GARRE1: variants seen among roughly 807,000 people sequenced by gnomAD.
GARRE1 encodes granule associated Rac and RHOG effector 1, also known as granule associated Rac and RHOG effector protein 1.
A neutral mutation model predicts 103.2 loss-of-function variants in GARRE1; 49 were observed. That is an observed-to-expected ratio of 0.47 (90% CI 0.38 to 0.60). The LOEUF (loss-of-function observed/expected upper bound fraction) is 0.60. Ranked by LOEUF, GARRE1 falls within the 20% of genes least tolerant of loss-of-function variation. The pLI, the probability that GARRE1 is intolerant of heterozygous loss-of-function variation, is 0.00. For missense variants in GARRE1, 1,199 were observed against 1,370.5 expected (o/e 0.87, Z 1.98); for synonymous variants, 505 against 532.8 (o/e 0.95, Z 0.72).
At chr19:34,309,098 A>G (rs1283778575) in intron 2 of GARRE1, among the ~76,000 whole-genome samples, 1 of 151,982 alleles carries the variant, frequency 6.6e-6, no homozygotes, top group Non-Finnish European at 1.5e-5. Context: ...ACAAACCCTG[A>G]AATAATCTAA....
Position 34,353,046 on chromosome 19 carries a change from C to T in GARRE1, c.*91C>T. On this transcript the variant is annotated 3_prime_UTR_variant, in exon 14 of 14. Transcript: ENST00000299505. The stretch of plus-strand genomic sequence containing the variant: ...CACCCCAGGGCCACTTAGCTGACAC[C>T]AGCCCCTCAGAGGACCAGTGCGCCC... 1 of 1,240,392 alleles carries T rather than the reference C, an allele frequency of 8.1e-7. No individual in the cohort carries two copies. The highest frequency in any genetic ancestry group is 1.5e-5 in the African/African-American group (1 of 67,416). The allele number at this position is 1,240,392 out of a possible 1,614,324, so 76.8% of individuals were successfully genotyped here.
chr19:34,320,785 G>A (rs1284980338), intron 3 of GARRE1, among the ~76,000 whole-genome samples: 4 of 150,104 alleles, frequency 2.7e-5, no homozygotes, highest in Non-Finnish European at 3.0e-5. Flanking sequence ...GCAGTGCTGC[G>A]ATCAAGTCTC....
chr19:34,315,960 C>T (rs756274065), intron 2 of GARRE1, among the ~76,000 whole-genome samples: 3 of 152,106 alleles, frequency 2.0e-5, no homozygotes, highest in Non-Finnish European at 4.4e-5. Context: ...TTCAGTAGAC[C>T]CCGATAGCTG....
rs35938669 is a variant in GARRE1 at position 34,275,168 on chromosome 19, G to GTT, written c.-796+20566_-796+20567dup. Among the ~76,000 whole-genome samples the GTT allele has an allele frequency of 1.2e-3, 178 of 144,834 alleles. 1 individual carries two copies. Among genetic ancestry groups the GTT allele is most frequent in the Non-Finnish European group, 1.5e-3 (98 of 66,288 alleles). On this transcript the variant is annotated intron_variant, in intron 1 of 13. Coordinates refer to ENST00000299505, the MANE Select transcript of GARRE1 (RefSeq NM_014686.5). ...TTGGAGAGGACAGAACATTTTCTGT[G>GTT]TTTTTTTTTTTTTCCTCAGAAGAGG... is the stretch of plus-strand genomic sequence containing the variant.
chr19:34,328,196 T>TA (rs761757768), intron 6 of GARRE1, 45 bp downstream of exon 6: 314 of 1,594,370 alleles, frequency 2.0e-4, no homozygotes, highest in Non-Finnish European at 2.3e-4. Flanking sequence ...AACTTGAAAA[T>TA]AGAGTTCTTA....
intron 2 of GARRE1, 146 bp downstream of exon 2, chr19:34,301,114 C>T (rs1010732348): frequency 2.1e-5 from 19 of 885,546 alleles, no homozygotes; most frequent in African/African-American, 1.5e-4. Context: ...AAAATGTGTG[C>T]GTGCCAGGTT....
At chr19:34,307,599 GCACA>G (rs1023472807) in intron 2 of GARRE1, among the ~76,000 whole-genome samples, 1 of 139,736 alleles carries the variant, frequency 7.2e-6, no homozygotes, top group Non-Finnish European at 1.5e-5. Flanking sequence ...ATACACATAC[GCACA>G]CACATACATA....
At chr19:34,303,907 G>A (rs537311904) in intron 2 of GARRE1, among the ~76,000 whole-genome samples, 47 of 152,096 alleles carry the variant, frequency 3.1e-4, no homozygotes, top group Admixed American at 6.5e-4. Context: ...GTAAGCCACC[G>A]CTCCCGGCCT....
chr19:34,291,665 G>T (rs901903734), intron 1 of GARRE1, among the ~76,000 whole-genome samples: 22 of 152,248 alleles, frequency 1.4e-4, no homozygotes, highest in Non-Finnish European at 2.9e-4. Flanking sequence ...TATTCAGGAG[G>T]ACAAGAGCCT....
At chr19:34,282,669 G>A (rs908561717) in intron 1 of GARRE1, among the ~76,000 whole-genome samples, 2 of 152,176 alleles carry the variant, frequency 1.3e-5, no homozygotes, top group Non-Finnish European at 2.9e-5. Context: ...TTTGCAGGAG[G>A]TCCCTCTGTT....
chr19:34,280,467 T>G (rs1201473147), intron 1 of GARRE1, among the ~76,000 whole-genome samples: 3 of 152,204 alleles, frequency 2.0e-5, no homozygotes, highest in African/African-American at 7.2e-5. Flanking sequence ...GGATATTAAT[T>G]CCTTTTCCCA....
At chr19:34,311,032 T>A (rs1256496133) in intron 2 of GARRE1, among the ~76,000 whole-genome samples, 1 of 152,110 alleles carries the variant, frequency 6.6e-6, no homozygotes, top group Non-Finnish European at 1.5e-5. Flanking sequence ...TTCACTTTGT[T>A]GCCCAGGGTG....
In GARRE1 at chr19:34,353,600, G is replaced by A. The variant is rs1389990101; in HGVS notation, c.*645G>A. On this transcript the variant is annotated 3_prime_UTR_variant, in exon 14 of 14. Coordinates refer to ENST00000299505, the MANE Select transcript of GARRE1 (RefSeq NM_014686.5). ...AAGCAGTCACCTGGGGTTTCTGGGG[G>A]TGGACAGTTCCTCGCCACCCAGCAG... 6.6e-6 allele frequency: 1 copy of A among 152,244 alleles called. No individual in the cohort carries two copies. The highest frequency in any genetic ancestry group is 1.5e-5 in the Non-Finnish European group (1 of 68,052). The allele number at this position is 152,244 out of a possible 1,614,324, so 9.4% of individuals were successfully genotyped here. A position where few individuals can be genotyped will look rare whatever the true frequency, so the allele number is the denominator to read the frequency against.
chr19:34,329,965 T>C (rs1461832743), intron 6 of GARRE1, among the ~76,000 whole-genome samples: 1 of 152,176 alleles, frequency 6.6e-6, no homozygotes, highest in Non-Finnish European at 1.5e-5. Context: ...ACCTGTGTGG[T>C]CCCAGCTACT....
At chr19:34,291,251 C>G (rs2145231532) in intron 1 of GARRE1, among the ~76,000 whole-genome samples, 1 of 152,152 alleles carries the variant, frequency 6.6e-6, no homozygotes, top group African/African-American at 2.4e-5. Flanking sequence ...AACTGTAAGT[C>G]AAGCCATTGT....
intron 3 of GARRE1, among the ~76,000 whole-genome samples, chr19:34,326,615 GTA>G (rs537346092): frequency 5.0e-4 from 75 of 151,178 alleles, no homozygotes; most frequent in African/African-American, 1.8e-3. Flanking sequence ...ATATGCCAAT[GTA>G]TATTTTTCCT....
At chr19:34,308,919 G>A (rs1200886306) in intron 2 of GARRE1, among the ~76,000 whole-genome samples, 3 of 152,108 alleles carry the variant, frequency 2.0e-5, no homozygotes, top group Admixed American at 1.3e-4. Flanking sequence ...GAAGGTTGCT[G>A]AGGAACCGCA....
intron 1 of GARRE1, among the ~76,000 whole-genome samples, chr19:34,266,472 C>T (rs1263294671): frequency 6.6e-6 from 1 of 152,208 alleles, no homozygotes; most frequent in East Asian, 1.9e-4. Flanking sequence ...AGCGATTCCC[C>T]TGCCTCAGCC....
At position 34,296,637 on chromosome 19, in the gene GARRE1, A is replaced by G. The variant is rs531020817; in HGVS notation, c.-795-3042A>G. 110 of 1,117,370 alleles carry G rather than the reference A, an allele frequency of 9.8e-5. 1 individual carries two copies. In the East Asian group the frequency reaches 2.5e-3, roughly 25 times the overall value. 69.2% of individuals were successfully genotyped at this position (1,117,370 alleles called of 1,614,324 possible). A position where few individuals can be genotyped will look rare whatever the true frequency, so the allele number is the denominator to read the frequency against. On this transcript the variant is annotated intron_variant, in intron 1 of 13. Transcript: ENST00000299505. ...CATGTTCCTCAGGAACCTGGGGTCC[A>G]TCCACTTAAGAGATTTGTATCTTTG...
Sources: gnomAD v4.1 joint callset for allele counts (sites outside exome capture counted in the v4.1 genomes callset) on GRCh38, gnomAD v4.1.1 for gene constraint, MANE v1.5 for transcripts, NCBI Gene and HGNC (gene_info 2026-07-23, HGNC 2026-07-21) for gene names.